Variants in ABCA4 observed in about 807,000 individuals in gnomAD.
ABCA4 encodes ATP binding cassette subfamily A member 4, also known as retinal-specific phospholipid-transporting ATPase ABCA4.
A neutral mutation model predicts 263.7 loss-of-function variants in ABCA4; 196 were observed. The ratio of observed to expected loss-of-function variants is 0.74; its 90% CI spans 0.66 to 0.84. The LOEUF (loss-of-function observed/expected upper bound fraction) is 0.84, where lower values mean the gene tolerates loss of function less well. Among genes scored for constraint, ABCA4 ranks in the 40% least tolerant of loss-of-function variants. The pLI is 0.00. For missense variants in ABCA4, 2,792 were observed against 2,855.1 expected (o/e 0.98, Z 0.50); for synonymous variants, 1,133 against 1,094.2 (o/e 1.04, Z -0.70).
intron 1 of ABCA4, among the ~76,000 whole-genome samples, chr1:94,114,779 G>A (rs543483171): frequency 3.9e-4 from 59 of 152,326 alleles, no homozygotes; most frequent in Admixed American, 2.0e-3. Flanking sequence ...GAGCCACCGC[G>A]CCTGGCCCTG....
At chr1:94,030,636 C>T (rs936913278) in intron 28 of ABCA4, 110 bp from the exon 29 acceptor site, 36 of 1,079,548 alleles carry the variant, frequency 3.3e-5, no homozygotes, top group Middle Eastern at 2.0e-4. Context: ...TTGGAGGCAC[C>T]GAATGCTGCC....
intron 11 of ABCA4, among the ~76,000 whole-genome samples, chr1:94,073,884 GCAA>G (rs1441412664): frequency 3.9e-5 from 6 of 152,150 alleles, no homozygotes; most frequent in African/African-American, 7.2e-5. Context: ...CACAAATGAA[GCAA>G]CAGAGCCTCT....
At chr1:94,050,047 C>T (rs1259539849) in intron 17 of ABCA4, among the ~76,000 whole-genome samples, 1 of 152,190 alleles carries the variant, frequency 6.6e-6, no homozygotes, top group Non-Finnish European at 1.5e-5. Flanking sequence ...CTCAATGCAA[C>T]AGCCACCCAG....
chr1:94,080,480 G>A lies in ABCA4; in HGVS notation c.1097C>T (p.Thr366Ile), dbSNP rs749494322. Residue 366 changes from threonine (T) to isoleucine (I), a missense_variant and splice_region_variant, in exon 8 of 50, where the codon ACA becomes ATA. Coordinates refer to ENST00000370225, the MANE Select transcript of ABCA4 (RefSeq NM_000350.3). ...TAAGCAGGACTCAGAAAACTTACTT[G>A]TTCTTCTGTCATAAGAATAGATAGG... ...KDPIYSYDRR[T>I]TSFCNALIQS... 105 of 1,614,028 alleles carry A rather than the reference G, an allele frequency of 6.5e-5. No individual in the cohort carries two copies. The highest frequency in any genetic ancestry group is 8.4e-5 in the Non-Finnish European group (99 of 1,180,040).
chr1:94,040,232 C>A (rs1660452628), intron 23 of ABCA4, 105 bp from the exon 24 acceptor site: 2 of 901,874 alleles, frequency 2.2e-6, no homozygotes, highest in East Asian at 2.6e-5. Context: ...TTTCTCACTG[C>A]CAAGTGTAGT....
rs1464973697 is a variant in ABCA4 at position 94,053,302 on chromosome 1, C to T, written c.2588-1604G>A. Among the ~76,000 whole-genome samples the T allele has an allele frequency of 3.3e-5, 5 of 152,230 alleles. No individual in the cohort carries two copies. The East Asian group carries it at 5.8e-4, about 18-fold the overall frequency. On this transcript the variant is annotated intron_variant, in intron 16 of 49. Coordinates refer to ENST00000370225, the MANE Select transcript of ABCA4 (RefSeq NM_000350.3). Reference sequence around the variant, plus strand: ...CGGGGAAGCCTTGTGGGACTGAACCCGTGGAGTCTGTGTGAATTCTGGATA... The same window carrying T: ...CGGGGAAGCCTTGTGGGACTGAACCTGTGGAGTCTGTGTGAATTCTGGATA...
At chr1:94,068,021 T>C (rs1160269045) in intron 11 of ABCA4, among the ~76,000 whole-genome samples, 1 of 152,202 alleles carries the variant, frequency 6.6e-6, no homozygotes, top group Admixed American at 6.5e-5. Context: ...GGTTACCTTT[T>C]AGCCATGGCA....
At chr1:94,103,784 T>TG (rs1662348612) in intron 4 of ABCA4, among the ~76,000 whole-genome samples, 2 of 152,098 alleles carry the variant, frequency 1.3e-5, no homozygotes, top group South Asian at 2.1e-4. Flanking sequence ...AGAAATGAGT[T>TG]GGGGCCATTA....
chr1:94,024,344 A>G (rs950735439), intron 31 of ABCA4, among the ~76,000 whole-genome samples: 17 of 152,304 alleles, frequency 1.1e-4, no homozygotes, highest in African/African-American at 4.1e-4. Context: ...GATGGGGCTG[A>G]TAAGAACAGC....
chr1:94,013,617 A>G (rs1049650727), intron 38 of ABCA4, among the ~76,000 whole-genome samples: 3 of 152,036 alleles, frequency 2.0e-5, no homozygotes, highest in Non-Finnish European at 4.4e-5. Context: ...TGGAGTGTGG[A>G]GTAAAGACAG....
Position 94,044,587 on chromosome 1 carries a change from G to GA in ABCA4, c.3050+25_3050+26insT, listed in dbSNP as rs1557779285. On this transcript the variant is annotated intron_variant, in intron 20 of 49. Transcript: ENST00000370225. ...GGCAGAGGTGAGGAGAGGGGATGGG[G>GA]CGGTCTCAGTTCCTGTGTCGCTTAC... is the stretch of plus-strand genomic sequence containing the variant. 7 of 1,614,214 alleles carry GA rather than the reference G, an allele frequency of 4.3e-6. No homozygotes were observed. The South Asian group carries it at 6.6e-5, about 15-fold the overall frequency.
chr1:94,072,852 A>T (rs1661440352), intron 11 of ABCA4, among the ~76,000 whole-genome samples: 1 of 152,060 alleles, frequency 6.6e-6, no homozygotes, highest in Non-Finnish European at 1.5e-5. Flanking sequence ...TGCTAATGGG[A>T]GGGGATCAGA....
intron 29 of ABCA4, among the ~76,000 whole-genome samples, chr1:94,029,875 A>G (rs1660149706): frequency 6.6e-6 from 1 of 152,154 alleles, no homozygotes; most frequent in Non-Finnish European, 1.5e-5. Context: ...TTTTATTCCT[A>G]GCAGCTCTAG....
At chr1:94,012,365 A>G (rs1659570742) in intron 38 of ABCA4, among the ~76,000 whole-genome samples, 1 of 152,192 alleles carries the variant, frequency 6.6e-6, no homozygotes, top group Non-Finnish European at 1.5e-5. Context: ...TTCTTTAGAC[A>G]GCTGGCTCAG....
At chr1:94,116,968 C>CTCTTTCTTTCTTTCTTTCTTTCTTTCTT (rs57665252) in intron 1 of ABCA4, among the ~76,000 whole-genome samples, 33 of 99,940 alleles carry the variant, frequency 3.3e-4, no homozygotes, top group Admixed American at 2.0e-3. Flanking sequence ...TTCTTTCTTT[C>CTCTTTCTTTCTTTCTTTCTTTCTTTCTT]TCTTTCTTTC....
At chr1:94,025,589 G>A (rs1370818247) in intron 30 of ABCA4, 3 of 172,046 alleles carry the variant, frequency 1.7e-5, no homozygotes, top group Non-Finnish European at 3.8e-5. Context: ...CCTGTCTCTC[G>A]GCGAGCACCT....
chr1:94,003,112 GT>G (rs1483791298), intron 44 of ABCA4, among the ~76,000 whole-genome samples: 1 of 152,080 alleles, frequency 6.6e-6, no homozygotes, highest in African/African-American at 2.4e-5. Context: ...CATAACCACA[GT>G]ACATTATCAA....
At chr1:94,015,672 G>A in intron 37 of ABCA4, 67 bp downstream of exon 37, 1 of 1,347,312 alleles carries the variant, frequency 7.4e-7, no homozygotes, top group Non-Finnish European at 1.1e-6. Context: ...TCTGTCAGGA[G>A]ATGATCCCCC....
rs886044741 is a variant in ABCA4 at position 94,030,433 on chromosome 1, C to A, written c.4347G>T (p.Trp1449Cys). 1.6e-5 allele frequency: 26 copies of A among 1,614,172 alleles called. No homozygotes were observed. Among genetic ancestry groups the A allele is most frequent in the Non-Finnish European group, 2.1e-5 (25 of 1,180,012 alleles). Reference protein sequence around the residue: ...GFGNRCLKEGWLPEYPCGNST... With the variant: ...GFGNRCLKEGCLPEYPCGNST... The stretch of plus-strand genomic sequence containing the variant: ...AGGGGCGCGTAGGCACTTACGGAAG[C>A]CACCCTTCCTTCAGGCAGCGGTTGC... Residue 1449 changes from tryptophan (W) to cysteine (C), a missense_variant, in exon 29 of 50, where the codon TGG becomes TGT. Transcript: ENST00000370225.
Sources: gnomAD v4.1 joint callset for allele counts (sites outside exome capture counted in the v4.1 genomes callset) on GRCh38, gnomAD v4.1.1 for gene constraint, MANE v1.5 for transcripts, NCBI Gene and HGNC (gene_info 2026-07-23, HGNC 2026-07-21) for gene names.